The following RHOT1 variants were observed in gnomAD, a reference collection of about 807,000 sequenced individuals.
RHOT1 encodes the protein ras homolog family member T1.
RHOT1 carries 27 observed loss-of-function variants against 95.3 expected under a neutral mutation model. That is an observed-to-expected ratio of 0.28 (90% CI 0.21 to 0.39). RHOT1 has a LOEUF of 0.39. Among genes scored for constraint, RHOT1 ranks in the 10% least tolerant of loss-of-function variants. The pLI is 1.00. For missense variants in RHOT1, 578 were observed against 786.7 expected (o/e 0.73, Z 3.17); for synonymous variants, 227 against 263.5 (o/e 0.86, Z 1.34).
chr17:32,142,753 C>T, intron 1 of RHOT1, 24 bp downstream of exon 1: 1 of 1,495,202 alleles, frequency 6.7e-7, no homozygotes. Flanking sequence ...CTCTGGCCGG[C>T]CCCTGAGTCC....
intron 6 of RHOT1, among the ~76,000 whole-genome samples, chr17:32,177,219 TTTAAA>T (rs2035076100): frequency 6.6e-6 from 1 of 152,346 alleles, no homozygotes; most frequent in African/African-American, 2.4e-5. Context: ...GTGATTTAAC[TTTAAA>T]TTAATTAAAA....
At chr17:32,175,292 G>A in intron 3 of RHOT1, 27 bp from the exon 4 acceptor site, 1 of 1,606,694 alleles carries the variant, frequency 6.2e-7, no homozygotes, top group Non-Finnish European at 8.5e-7. Context: ...TCTGCAATAT[G>A]AAACATTGAC....
chr17:32,214,197 G>T (rs1321208805), intron 19 of RHOT1, among the ~76,000 whole-genome samples: 1 of 152,106 alleles, frequency 6.6e-6, no homozygotes, highest in Non-Finnish European at 1.5e-5. Flanking sequence ...GTGCCCACAG[G>T]TCCCGGATGG....
intron 1 of RHOT1, among the ~76,000 whole-genome samples, chr17:32,168,413 G>A (rs2034288501): frequency 6.6e-6 from 1 of 152,036 alleles, no homozygotes; most frequent in Non-Finnish European, 1.5e-5. Context: ...GGGACTACAA[G>A]TGTGTGCCAC....
chr17:32,176,258 G>A (rs779065553), intron 6 of RHOT1, 45 bp downstream of exon 6: 1 of 1,467,602 alleles, frequency 6.8e-7, no homozygotes, highest in Non-Finnish European at 9.4e-7. Flanking sequence ...AAAGTTTAAA[G>A]CTTGCAGAAA....
Position 32,202,849 on chromosome 17 carries a change from A to T in RHOT1, c.1281A>T (p.Lys427Asn). The T allele has an allele frequency of 1.2e-6, 2 of 1,613,446 alleles. No homozygotes were observed. The highest frequency in any genetic ancestry group is 4.5e-5 in the East Asian group (2 of 44,798). Reference protein sequence around the residue: ...NVFRCNVIGVKNCGKSGVLQA... With the variant: ...NVFRCNVIGVNNCGKSGVLQA... ...TCAGATGTAATGTAATTGGAGTGAAAAACTGTGGGAAAAGTGGAGTTCTTC... is the reference window on the plus strand; with the variant it reads ...TCAGATGTAATGTAATTGGAGTGAATAACTGTGGGAAAAGTGGAGTTCTTC... Residue 427 changes from lysine (K) to asparagine (N), a missense_variant, in exon 15 of 20, where the codon AAA becomes AAT. By Grantham distance (94) the Lys-to-Asn change is moderately conservative. Coordinates refer to ENST00000545287, the MANE Select transcript of RHOT1 (RefSeq NM_001033566.3).
At chr17:32,208,422 T>C in intron 18 of RHOT1, 113 bp downstream of exon 18, 1 of 1,060,962 alleles carries the variant, frequency 9.4e-7, no homozygotes, top group Non-Finnish European at 1.4e-6. Context: ...AACAGAAAGA[T>C]ACTTTGTAAT....
chr17:32,172,607 C>T (rs1249956905), intron 2 of RHOT1, among the ~76,000 whole-genome samples: 2 of 152,050 alleles, frequency 1.3e-5, no homozygotes, highest in South Asian at 2.1e-4. Flanking sequence ...CTGAGGTGGC[C>T]GGATCACTTG....
intron 15 of RHOT1, among the ~76,000 whole-genome samples, chr17:32,203,203 G>A (rs1249185985): frequency 1.3e-5 from 2 of 148,914 alleles, no homozygotes; most frequent in Non-Finnish European, 3.0e-5. Flanking sequence ...ATTGAATATT[G>A]ATATCTAGTT....
At chr17:32,193,838 T>C (rs2036675147) in intron 10 of RHOT1, 149 bp from the exon 11 acceptor site, 2 of 948,698 alleles carry the variant, frequency 2.1e-6, no homozygotes, top group Non-Finnish European at 3.1e-6. Context: ...CTCTGTTTCA[T>C]TGAGATACTT....
chr17:32,196,437 C>T (rs2036896111), intron 11 of RHOT1, among the ~76,000 whole-genome samples: 1 of 152,056 alleles, frequency 6.6e-6, no homozygotes, highest in South Asian at 2.1e-4. Context: ...AGAAATCCTC[C>T]CGCGTTGACC....
intron 1 of RHOT1, among the ~76,000 whole-genome samples, chr17:32,166,113 G>T (rs1444841332): frequency 6.6e-6 from 1 of 151,558 alleles, no homozygotes; most frequent in Non-Finnish European, 1.5e-5. Context: ...GCTTGAACCT[G>T]GGTGGCAGAG....
rs35816455 is a variant in RHOT1 at position 32,198,911 on chromosome 17, TTAA to T, written c.870-34_870-32del. The T allele has an allele frequency of 0.01, 13,668 of 1,336,932 alleles. 1,001 individuals carry two copies. In the African/African-American group the frequency reaches 0.17, roughly 16 times the overall value. 82.8% of individuals were successfully genotyped at this position (1,336,932 alleles called of 1,614,324 possible). On this transcript the variant is annotated intron_variant, in intron 11 of 19. Coordinates refer to ENST00000545287, the MANE Select transcript of RHOT1 (RefSeq NM_001033566.3). ...TAATTTCTTAAATTTTAACATTTGA[TTAA>T]TGATTTATTTTACTCTTGAATTTTT...
chr17:32,222,086 T>A (rs1206668129), intron 19 of RHOT1, among the ~76,000 whole-genome samples: 1 of 152,160 alleles, frequency 6.6e-6, no homozygotes, highest in Non-Finnish European at 1.5e-5. Context: ...AAAAAATAAA[T>A]GTAAAAATGT....
At chr17:32,215,388 C>T (rs982992500) in intron 19 of RHOT1, among the ~76,000 whole-genome samples, 1 of 152,252 alleles carries the variant, frequency 6.6e-6, no homozygotes, top group East Asian at 1.9e-4. Context: ...CCTAACCCCA[C>T]CTTGATGTGA....
At chr17:32,217,981 G>A (rs1043861932) in intron 19 of RHOT1, among the ~76,000 whole-genome samples, 2 of 151,528 alleles carry the variant, frequency 1.3e-5, no homozygotes, top group African/African-American at 4.8e-5. Context: ...TCCTGTCTCA[G>A]CCTCCCAAGT....
chr17:32,201,862 C>G (rs1451206999), intron 14 of RHOT1, among the ~76,000 whole-genome samples: 1 of 151,594 alleles, frequency 6.6e-6, no homozygotes, highest in African/African-American at 2.4e-5. Context: ...CTGGTGAGGT[C>G]TGTTGTAGTT....
Position 32,142,640 on chromosome 17 carries a change from G to A in RHOT1, c.-53G>A, listed in dbSNP as rs530942067. ...GCCGTGGGGTGGGTGCTCCTGGTGA[G>A]AGGAGTCCACTCCGTGCGTGCGGGC... On this transcript the variant is annotated 5_prime_UTR_variant, in exon 1 of 20. Coordinates refer to ENST00000545287, the MANE Select transcript of RHOT1 (RefSeq NM_001033566.3). 14 of 1,478,688 alleles carry A rather than the reference G, an allele frequency of 9.5e-6. No homozygotes were observed. In the East Asian group the frequency reaches 3.6e-4, roughly 38 times the overall value. 91.6% of individuals were successfully genotyped at this position (1,478,688 alleles called of 1,614,324 possible).
chr17:32,200,255 G>T (rs1263292259), intron 13 of RHOT1, among the ~76,000 whole-genome samples: 2 of 151,770 alleles, frequency 1.3e-5, no homozygotes, highest in African/African-American at 4.8e-5. Context: ...GTCTGTTGTA[G>T]TTCAGTCTTC....
Sources: gnomAD v4.1 joint callset for allele counts (sites outside exome capture counted in the v4.1 genomes callset) on GRCh38, gnomAD v4.1.1 for gene constraint, MANE v1.5 for transcripts, NCBI Gene and HGNC (gene_info 2026-07-23, HGNC 2026-07-21) for gene names.